ENO1: variants seen among roughly 807,000 people sequenced by gnomAD.
ENO1 encodes enolase 1.
In ENO1, 33 loss-of-function variants were observed where a neutral mutation model predicts 46.3. That is an observed-to-expected ratio of 0.71 (90% CI 0.54 to 0.95). ENO1 has a LOEUF of 0.95. Among genes scored for constraint, ENO1 ranks in the 40% least tolerant of loss-of-function variants. ENO1 has a pLI of 0.00. For missense variants in ENO1, 488 were observed against 553.3 expected (o/e 0.88, Z 1.18); for synonymous variants, 220 against 216.0 (o/e 1.02, Z -0.16).
intron 8 of ENO1, 68 bp downstream of exon 8, chr1:8,865,217 C>A: frequency 6.3e-7 from 1 of 1,579,896 alleles, no homozygotes; most frequent in Non-Finnish European, 8.7e-7. Flanking sequence ...ACCAGCCAGC[C>A]AGATGCTCCA....
intron 2 of ENO1, among the ~76,000 whole-genome samples, chr1:8,874,592 A>AG (rs1405246363): frequency 5.3e-5 from 8 of 150,466 alleles, no homozygotes; most frequent in South Asian, 2.1e-4. Flanking sequence ...AAAAAAAAAA[A>AG]AAAAAAAAGA....
chr1:8,862,808 G>C (rs1642433458), intron 11 of ENO1, 79 bp downstream of exon 11: 3 of 1,504,172 alleles, frequency 2.0e-6, no homozygotes, highest in Admixed American at 3.9e-5. Context: ...GGAGCTCCTG[G>C]GGGAGGGCAG....
At position 8,871,740 on chromosome 1, in the gene ENO1, G is replaced by A. The variant is rs151319343; in HGVS notation, c.181+151C>T. The A allele has an allele frequency of 7.8e-5, 98 of 1,258,058 alleles. No homozygotes were observed. The East Asian group carries it at 1.8e-3, about 23-fold the overall frequency. 77.9% of individuals were successfully genotyped at this position (1,258,058 alleles called of 1,614,324 possible). ...CACCAACTTTCCTGTCCACAAGGTG[G>A]TGCACTGCTTCCATCAACATCATGG... On this transcript the variant is annotated intron_variant, in intron 3 of 11. Transcript: ENST00000234590.
At position 8,867,079 on chromosome 1, in the gene ENO1, C is replaced by A. The variant is rs1420734872; in HGVS notation, c.444+38G>T. The A allele has an allele frequency of 3.7e-6, 6 of 1,603,620 alleles. No individual in the cohort carries two copies. The African/African-American group carries it at 8.0e-5, about 21-fold the overall frequency. On this transcript the variant is annotated intron_variant, in intron 6 of 11. Transcript: ENST00000234590. ...GGTCCCCAACAGCAAGCTGAAACCC[C>A]CAACTCCTTGCTTGGGAAGTTCCAA...
intron 2 of ENO1, among the ~76,000 whole-genome samples, chr1:8,872,544 G>A (rs914355343): frequency 3.9e-5 from 6 of 151,982 alleles, no homozygotes; most frequent in Admixed American, 3.3e-4. Context: ...CACCACGCCC[G>A]GCTAGTTTTT....
At chr1:8,864,199 T>C (rs958080882) in intron 8 of ENO1, 107 bp from the exon 9 acceptor site, 1 of 1,223,106 alleles carries the variant, frequency 8.2e-7, no homozygotes, top group Non-Finnish European at 1.2e-6. Flanking sequence ...GGCCTCACAA[T>C]GCCCAAAAGC....
intron 4 of ENO1, 40 bp from the exon 5 acceptor site, chr1:8,868,097 T>A: frequency 7.0e-7 from 1 of 1,437,682 alleles, no homozygotes. Flanking sequence ...GGGGCCACTC[T>A]TATCTGCATA....
At chr1:8,865,221 T>G in intron 8 of ENO1, 64 bp downstream of exon 8, 3 of 1,585,546 alleles carry the variant, frequency 1.9e-6, no homozygotes, top group Non-Finnish European at 2.6e-6. Flanking sequence ...GCCAGCCAGA[T>G]GCTCCAGCTG....
intron 1 of ENO1, among the ~76,000 whole-genome samples, chr1:8,876,761 A>G (rs949421777): frequency 2.0e-5 from 3 of 151,438 alleles, no homozygotes; most frequent in African/African-American, 7.3e-5. Context: ...TCGCGCCACT[A>G]CACTCCAGCC....
chr1:8,874,953 G>T, intron 1 of ENO1, 36 bp from the exon 2 acceptor site: 1 of 1,548,038 alleles, frequency 6.5e-7, no homozygotes, highest in Non-Finnish European at 8.9e-7. Flanking sequence ...TTTTCCATAA[G>T]CCATAATGCT....
chr1:8,866,788 T>G (rs1056033388), intron 6 of ENO1, among the ~76,000 whole-genome samples: 2 of 152,200 alleles, frequency 1.3e-5, no homozygotes, highest in African/African-American at 4.8e-5. Flanking sequence ...ACTACAGGTG[T>G]GCGCTACTGC....
chr1:8,875,050 G>A lies in ENO1; in HGVS notation c.-9-133C>T, dbSNP rs1557587940. The A allele has an allele frequency of 4.5e-6, 3 of 668,660 alleles. 1 individual carries two copies. Among genetic ancestry groups the A allele is most frequent in the Non-Finnish European group, 7.4e-6 (3 of 403,798 alleles). The allele number at this position is 668,660 out of a possible 1,614,324, so 41.4% of individuals were successfully genotyped here. ...TGGACTAAATACTGGATGTAGGAAA[G>A]CTGGCTAGGGTGGGGGGAAAAGCCT... is the stretch of plus-strand genomic sequence containing the variant. On this transcript the variant is annotated intron_variant, in intron 1 of 11. Coordinates refer to ENST00000234590, the MANE Select transcript of ENO1 (RefSeq NM_001428.5).
chr1:8,876,754 C>A (rs941612059), intron 1 of ENO1, among the ~76,000 whole-genome samples: 1 of 150,338 alleles, frequency 6.7e-6, no homozygotes, highest in Non-Finnish European at 1.5e-5. Flanking sequence ...GTCGAGATCG[C>A]GCCACTACAC....
intron 3 of ENO1, chr1:8,870,996 C>T: frequency 8.0e-7 from 1 of 1,243,962 alleles, no homozygotes; most frequent in Non-Finnish European, 1.0e-6. Flanking sequence ...GAGAGCATTT[C>T]AGGGGCCATG....
chr1:8,863,480 G>A (rs1461434626), intron 9 of ENO1, 137 bp from the exon 10 acceptor site: 9 of 845,922 alleles, frequency 1.1e-5, no homozygotes, highest in Non-Finnish European at 1.6e-5. Context: ...CCTGGGCTTT[G>A]TCAAGAGCAC....
chr1:8,871,617 TGAA>T, intron 3 of ENO1: 1 of 1,238,326 alleles, frequency 8.1e-7, no homozygotes, highest in Non-Finnish European at 1.0e-6. Flanking sequence ...GTCCTAACCG[TGAA>T]GGAGTATTTC....
chr1:8,865,357 C>T lies in ENO1; in HGVS notation c.793G>A (p.Asp265Asn), dbSNP rs528116006. The change falls in exon 8 of 12, where the codon GAT becomes AAT. Residue 265 changes from aspartate to asparagine, a missense_variant. Coordinates refer to ENST00000234590, the MANE Select transcript of ENO1 (RefSeq NM_001428.5). ...GGCGAGATGTACCTGCTGGGGTCAT[C>T]GGGAGACTTGAAGTCCAGGTCATAC... ...GKYDLDFKSP[D>N]DPSRYISPDQ... 11 of 1,614,160 alleles carry T rather than the reference C, an allele frequency of 6.8e-6. No individual in the cohort carries two copies. The highest frequency in any genetic ancestry group is 2.2e-5 in the East Asian group (1 of 44,878).
At chr1:8,872,087 T>C (rs943534599) in intron 2 of ENO1, 101 bp from the exon 3 acceptor site, 2 of 931,166 alleles carry the variant, frequency 2.1e-6, no homozygotes, top group African/African-American at 1.6e-5. Flanking sequence ...ATTAGGGAGC[T>C]GTTTCTTCCT....
chr1:8,874,996 G>C (rs1000744012), intron 1 of ENO1, 79 bp from the exon 2 acceptor site: 85 of 1,224,460 alleles, frequency 6.9e-5, no homozygotes, highest in Non-Finnish European at 9.8e-5. Flanking sequence ...AATCACTTCC[G>C]AGGTTCGTGG....
Sources: gnomAD v4.1 joint callset for allele counts (sites outside exome capture counted in the v4.1 genomes callset) on GRCh38, gnomAD v4.1.1 for gene constraint, MANE v1.5 for transcripts, NCBI Gene and HGNC (gene_info 2026-07-23, HGNC 2026-07-21) for gene names.